Variants in SERINC2 observed in about 807,000 individuals in gnomAD.
SERINC2 encodes the protein serine incorporator 2.
Under a neutral mutation model 54.2 loss-of-function variants are expected in SERINC2, and 56 were observed. The ratio of observed to expected loss-of-function variants is 1.03; its 90% CI spans 0.83 to 1.29. The LOEUF is 1.29. Ranked by LOEUF, SERINC2 falls within the 50% of genes most tolerant of loss-of-function variation. SERINC2 has a pLI of 0.00. For missense variants in SERINC2, 614 were observed against 607.4 expected (o/e 1.01, Z -0.12); for synonymous variants, 272 against 253.1 (o/e 1.07, Z -0.71).
At chr1:31,421,048 T>A (rs1640892273) in intron 1 of SERINC2, among the ~76,000 whole-genome samples, 1 of 152,148 alleles carries the variant, frequency 6.6e-6, no homozygotes, top group African/African-American at 2.4e-5. Context: ...TGTTAAGAAC[T>A]GGGCCACACA....
chr1:31,430,283 G>C (rs1417250637), intron 8 of SERINC2, among the ~76,000 whole-genome samples: 2 of 152,186 alleles, frequency 1.3e-5, no homozygotes, highest in Non-Finnish European at 2.9e-5. Flanking sequence ...GGAGGCCGAG[G>C]TGGGAGGATC....
rs781952628 is a variant in SERINC2 at position 31,434,147 on chromosome 1, A to T, written c.1316A>T (p.Tyr439Phe). ...ICASWAGLLL[Y>F]LWTLVAPLLL... ...GCCAGCTGGGCAGGGCTGCTCCTCT[A>T]CCTGTGGACCCTGGTAGCCCCACTC... Residue 439 changes from tyrosine (Y) to phenylalanine (F), a missense_variant, in exon 10 of 10, where the codon TAC becomes TTC. Transcript: ENST00000373709. 6.2e-7 allele frequency: 1 copy of T among 1,613,776 alleles called. No homozygotes were observed. The highest frequency in any genetic ancestry group is 8.5e-7 in the Non-Finnish European group (1 of 1,179,928).
intron 8 of SERINC2, among the ~76,000 whole-genome samples, chr1:31,431,470 G>C (rs1305004504): frequency 1.3e-5 from 2 of 152,114 alleles, no homozygotes; most frequent in East Asian, 3.9e-4. Flanking sequence ...CCGGGGAGGA[G>C]GCCATGAGCA....
rs1641405130 is a variant in SERINC2 at position 31,434,204 on chromosome 1, G to T, written c.*5G>T. ...CGCAACCGCGACTTCAGCTGAGGCA[G>T]CCTCACAGCCTGCCATCTGGTGCCT... On this transcript the variant is annotated 3_prime_UTR_variant, in exon 10 of 10. Transcript: ENST00000373709. 6.2e-7 allele frequency: 1 copy of T among 1,611,202 alleles called. No homozygotes were observed.
chr1:31,416,234 C>T (rs1640778500), intron 1 of SERINC2, among the ~76,000 whole-genome samples: 1 of 152,166 alleles, frequency 6.6e-6, no homozygotes, highest in Admixed American at 6.5e-5. Flanking sequence ...AGCTGGTGTG[C>T]AGTGGCCGGT....
intron 8 of SERINC2, among the ~76,000 whole-genome samples, chr1:31,432,075 C>CTT (rs1641276458): frequency 7.5e-5 from 1 of 13,316 alleles, no homozygotes; most frequent in African/African-American, 4.1e-4. Context: ...ACAGGGTGGA[C>CTT]AGGGTGGTTA....
At chr1:31,426,959 C>A (rs1211207627) in intron 6 of SERINC2, 136 bp downstream of exon 6, 1 of 756,994 alleles carries the variant, frequency 1.3e-6, no homozygotes, top group South Asian at 1.9e-5. Context: ...AGGTCAGCCT[C>A]CCCAGGTTAT....
chr1:31,432,864 A>G, intron 8 of SERINC2, 103 bp from the exon 9 acceptor site: 1 of 843,124 alleles, frequency 1.2e-6, no homozygotes, highest in Non-Finnish European at 1.9e-6. Flanking sequence ...TCCCAGGCCC[A>G]GTAACCGGGT....
chr1:31,432,281 G>A (rs189469671), intron 8 of SERINC2, among the ~76,000 whole-genome samples: 45 of 151,062 alleles, frequency 3.0e-4, no homozygotes, highest in East Asian at 2.4e-3. Context: ...CTGGGGTGGC[G>A]GGGCTGGAAT....
chr1:31,423,474 G>A (rs1284486668), intron 1 of SERINC2, among the ~76,000 whole-genome samples: 1 of 152,318 alleles, frequency 6.6e-6, no homozygotes, highest in East Asian at 1.9e-4. Flanking sequence ...TATCACTGGA[G>A]ATAGACCCAG....
chr1:31,433,098 A>C lies in SERINC2; in HGVS notation c.1145A>C (p.Asp382Ala), dbSNP rs781913772. The C allele has an allele frequency of 7.4e-6, 12 of 1,613,688 alleles. No homozygotes were observed. The highest frequency in any genetic ancestry group is 1.3e-5 in the African/African-American group (1 of 75,046). ...CEGRAFDNEQ[D>A]GVTYSYSFFH... ...GGCCGGGCCTTTGACAACGAGCAGG[A>C]CGGCGTCACCTACAGCTACTCCTTC... The change falls in exon 9 of 10, where the codon GAC (aspartate) becomes GCC (alanine). Residue 382 changes from aspartate to alanine, a missense_variant. Coordinates refer to ENST00000373709, the MANE Select transcript of SERINC2 (RefSeq NM_178865.5).
intron 8 of SERINC2, among the ~76,000 whole-genome samples, chr1:31,430,796 C>T (rs1205628146): frequency 6.6e-6 from 1 of 152,118 alleles, no homozygotes; most frequent in Non-Finnish European, 1.5e-5. Flanking sequence ...CTGAGTTTGC[C>T]TCCCTGTGGC....
At position 31,433,116 on chromosome 1, in the gene SERINC2, A is replaced by G. The variant is rs782594093; in HGVS notation, c.1163A>G (p.Tyr388Cys). The G allele has an allele frequency of 8.1e-6, 13 of 1,613,112 alleles. No homozygotes were observed. Among genetic ancestry groups the G allele is most frequent in the African/African-American group, 1.3e-5 (1 of 74,728 alleles). Residue 388 changes from tyrosine (Y) to cysteine (C), a missense_variant, in exon 9 of 10, where the codon TAC (tyrosine) becomes TGC (cysteine). Transcript: ENST00000373709. ...DNEQDGVTYS[Y>C]SFFHFCLVLA... The stretch of plus-strand genomic sequence containing the variant: ...GAGCAGGACGGCGTCACCTACAGCT[A>G]CTCCTTCTTCCACTTCTGCCTGGTG...
chr1:31,413,012 A>G (rs10914375), upstream of SERINC2: 162,709 of 348,370 alleles, frequency 0.47, 39,285 homozygotes, highest in East Asian at 0.81. This position sits in a 1 kb window ranked among gnomAD's most constrained non-coding sequence, Gnocchi z 5.0. Flanking sequence ...CCGGGCCACG[A>G]TTGGGTCAGG....
intron 3 of SERINC2, among the ~76,000 whole-genome samples, 200 bp from the exon 4 acceptor site, chr1:31,425,130 T>TAG (rs1641003893): frequency 6.6e-6 from 1 of 152,194 alleles, no homozygotes; most frequent in Non-Finnish European, 1.5e-5. Context: ...CACCACTGCT[T>TAG]GGTCCTTCCT....
At chr1:31,411,436 G>C (rs1640646864), upstream of SERINC2, among the ~76,000 whole-genome samples, 1 of 152,136 alleles carries the variant, frequency 6.6e-6, no homozygotes, top group South Asian at 2.1e-4. Flanking sequence ...ATCTGTAAAC[G>C]AGTGGGTGGG....
At chr1:31,409,791 A>C (rs1458255593), upstream of SERINC2, 1 of 1,549,136 alleles carries the variant, frequency 6.5e-7, no homozygotes, top group Non-Finnish European at 8.7e-7. Context: ...CAGACAGCGA[A>C]GCCCAAGGGA....
chr1:31,434,190 C>T lies in SERINC2; in HGVS notation c.1359C>T (p.Asp453=), dbSNP rs782205297. The T allele has an allele frequency of 9.3e-6, 15 of 1,613,042 alleles. No individual in the cohort carries two copies. The Admixed American group carries it at 2.5e-4, about 27-fold the overall frequency. ...LVAPLLLRNR[D]FS ...CCCCACTCCTCCTGCGCAACCGCGA[C>T]TTCAGCTGAGGCAGCCTCACAGCCT... is the stretch of plus-strand genomic sequence containing the variant. The change falls in exon 10 of 10, where the codon GAC becomes GAT. Residue 453 remains aspartate (D), a synonymous_variant. Transcript: ENST00000373709.
intron 8 of SERINC2, among the ~76,000 whole-genome samples, chr1:31,432,075 C>CAGGGTGGAG (rs1641276539): frequency 2.3e-4 from 3 of 13,316 alleles, no homozygotes; most frequent in African/African-American, 8.2e-4. Flanking sequence ...ACAGGGTGGA[C>CAGGGTGGAG]AGGGTGGTTA....
Sources: allele counts gnomAD v4.1 joint callset (sites outside exome capture counted in the v4.1 genomes callset), GRCh38; gene constraint gnomAD v4.1.1; non-coding constraint Gnocchi (gnomAD v3.1); transcripts MANE v1.5; gene names NCBI Gene and HGNC (gene_info 2026-07-23, HGNC 2026-07-21).